The following ABCA3 variants were observed in gnomAD, a reference collection of about 807,000 sequenced individuals.
ABCA3 encodes the protein phospholipid-transporting ATPase ABCA3.
Under a neutral mutation model 172.8 loss-of-function variants are expected in ABCA3, and 88 were observed. The ratio of observed to expected loss-of-function variants is 0.51; its 90% confidence interval spans 0.43 to 0.61. The LOEUF (loss-of-function observed/expected upper bound fraction) is 0.61, where lower values mean the gene tolerates loss of function less well. Among genes scored for constraint, ABCA3 ranks in the 20% least tolerant of loss-of-function variants. The probability of loss-of-function intolerance (pLI) is 0.00; values close to 1 mark genes in which losing one functional copy is unlikely to be tolerated. For synonymous variants in ABCA3, 1,066 were observed against 983.8 expected, an observed-to-expected ratio of 1.08 and a Z score of -1.56; for missense variants, 2,164 against 2,301.0, an observed-to-expected ratio of 0.94 and a Z score of 1.22.
chr16:2,299,127 G>A (rs1177305525), intron 14 of ABCA3, among the ~76,000 whole-genome samples: 2 of 144,720 alleles, frequency 1.4e-5, no homozygotes, highest in African/African-American at 5.0e-5. Flanking sequence ...AGGCGGTGAG[G>A]AGGGCAGGGG....
At chr16:2,296,698 G>C (rs548809008) in intron 17 of ABCA3, among the ~76,000 whole-genome samples, 2 of 152,330 alleles carry the variant, frequency 1.3e-5, no homozygotes, top group African/African-American at 4.8e-5. Context: ...CAAAACCCTG[G>C]TATCTTGGCT....
Position 2,286,795 on chromosome 16 carries a change from G to A in ABCA3, c.3177C>T (p.Asn1059=), listed in dbSNP as rs1332909111. 3.7e-6 allele frequency: 6 copies of A among 1,614,176 alleles called. No homozygotes were observed. The South Asian group carries it at 5.5e-5, about 15-fold the overall frequency. The stretch of plus-strand genomic sequence containing the variant: ...GCCCGCACAGCAGCTTGAACAGAAG[G>A]TTGTCCACGACGGCCAGGGCAGTGG... The part of the protein sequence containing the change: ...SPATALAVVD[N]LLFKLLCGPH... Residue 1059 remains asparagine, a synonymous_variant, in exon 22 of 33, where the codon AAC becomes AAT. Coordinates refer to ENST00000301732, the MANE Select transcript of ABCA3 (RefSeq NM_001089.3). This position sits in a 1 kb window ranked among gnomAD's most constrained non-coding sequence, Gnocchi z 5.2.
chr16:2,301,947 G>C (rs2093690141), intron 12 of ABCA3, among the ~76,000 whole-genome samples: 1 of 152,242 alleles, frequency 6.6e-6, no homozygotes, highest in Non-Finnish European at 1.5e-5. Context: ...GGAAGGTTGT[G>C]GGCAAGGAAC....
At position 2,326,677 on chromosome 16, in the gene ABCA3, C is replaced by G. The variant is rs572374718; in HGVS notation, c.-26-185G>C. Reference sequence around the variant, plus strand: ...GCCATGCCCACCCTCAATCCTCTACCCTGCACATCCAAAGAGCATAGTCTT... The same window carrying G: ...GCCATGCCCACCCTCAATCCTCTACGCTGCACATCCAAAGAGCATAGTCTT... On this transcript the variant is annotated intron_variant, in intron 3 of 32. Coordinates refer to ENST00000301732, the MANE Select transcript of ABCA3 (RefSeq NM_001089.3). Among the ~76,000 whole-genome samples, 8 of 152,358 alleles carry G rather than the reference C, an allele frequency of 5.3e-5. No individual in the cohort carries two copies. The South Asian group carries it at 1.7e-3, about 32-fold the overall frequency.
In ABCA3 at chr16:2,297,585, C is replaced by T. The variant is rs1038159780; in HGVS notation, c.2053-46G>A. 47 of 1,606,618 alleles carry T rather than the reference C, an allele frequency of 2.9e-5. No homozygotes were observed. The highest frequency in any genetic ancestry group is 1.3e-4 in the East Asian group (6 of 44,824). On this transcript the variant is annotated intron_variant, in intron 16 of 32. Coordinates refer to ENST00000301732, the MANE Select transcript of ABCA3 (RefSeq NM_001089.3). This position sits in a 1 kb window ranked among gnomAD's most constrained non-coding sequence, Gnocchi z 5.6. The stretch of plus-strand genomic sequence containing the variant: ...TCGCGACGCTGGTAGAGCCACACCC[C>T]GGGCCCAGGCTGGCCTTGCGGTAGG...
intron 11 of ABCA3, among the ~76,000 whole-genome samples, chr16:2,305,126 ATTTG>A (rs1307382924): frequency 6.7e-6 from 1 of 149,744 alleles, no homozygotes; most frequent in Non-Finnish European, 1.5e-5. Flanking sequence ...ATAAGTCTTT[ATTTG>A]TTTATTATTT....
Position 2,276,693 on chromosome 16 carries a change from GTGGGC to G in ABCA3, c.5091_5095del (p.Pro1698ArgfsTer103). 1.9e-6 allele frequency: 3 copies of G among 1,613,576 alleles called. No individual in the cohort carries two copies. Among genetic ancestry groups the G allele is most frequent in the Non-Finnish European group, 2.5e-6 (3 of 1,180,044 alleles). ...CACCCCTCATCGCCCCTCCTCTGCG[GTGGGC>G]GGCTGCAGGTGGGCGAAGCTCAGGA... On this transcript the variant is annotated frameshift_variant, in exon 33 of 33. Coordinates refer to ENST00000301732, the MANE Select transcript of ABCA3 (RefSeq NM_001089.3). LOFTEE classifies it high-confidence loss of function.
At position 2,277,957 on chromosome 16, in the gene ABCA3, G is replaced by A. The variant is rs1482881412; in HGVS notation, c.4831C>T (p.Leu1611=). 3 of 1,612,518 alleles carry A rather than the reference G, an allele frequency of 1.9e-6. No homozygotes were observed. Among genetic ancestry groups the A allele is most frequent in the African/African-American group, 1.3e-5 (1 of 74,926 alleles). ...CCTTCACTCTGCACCTTGGCCCGCAGGGAGTAGCCGCTGCCGAACTTGCTC... is the reference window on the plus strand; with the variant it reads ...CCTTCACTCTGCACCTTGGCCCGCAAGGAGTAGCCGCTGCCGAACTTGCTC... ...LKSKFGSGYS[L]RAKVQSEGQQ... is the part of the protein sequence containing the mutation. Residue 1611 remains leucine (L), a synonymous_variant, in exon 31 of 33, where the codon CTG becomes TTG. Coordinates refer to ENST00000301732, the MANE Select transcript of ABCA3 (RefSeq NM_001089.3). The surrounding 1 kb of genome is among the most constrained non-coding windows in gnomAD (Gnocchi z 5.3).
In ABCA3 at chr16:2,281,930, G is replaced by A. The variant is rs1051678879; in HGVS notation, c.4036-421C>T. On this transcript the variant is annotated intron_variant, in intron 26 of 32. Coordinates refer to ENST00000301732, the MANE Select transcript of ABCA3 (RefSeq NM_001089.3). The surrounding 1 kb of genome is among the most constrained non-coding windows in gnomAD (Gnocchi z 4.7). Reference sequence around the variant, plus strand: ...ACTGATTCTCCTGCTTCAGCCTCCCGAGTAGCGCGCCACCACGCCCAGCTA... The same window carrying A: ...ACTGATTCTCCTGCTTCAGCCTCCCAAGTAGCGCGCCACCACGCCCAGCTA... Among the ~76,000 whole-genome samples, 4 of 151,420 alleles carry A rather than the reference G, an allele frequency of 2.6e-5. No individual in the cohort carries two copies. The highest frequency in any genetic ancestry group is 2.1e-4 in the South Asian group (1 of 4,802).
intron 18 of ABCA3, among the ~76,000 whole-genome samples, chr16:2,294,756 G>A (rs956896513): frequency 1.3e-5 from 2 of 152,090 alleles, no homozygotes; most frequent in Non-Finnish European, 2.9e-5. Context: ...GCCGAGGTGG[G>A]TGGATCACCT....
chr16:2,322,978 T>C (rs1014699000), intron 7 of ABCA3, among the ~76,000 whole-genome samples: 9 of 151,876 alleles, frequency 5.9e-5, no homozygotes. Context: ...AACAACCCCA[T>C]CAAAAAGTGG....
Position 2,284,220 on chromosome 16 carries a change from C to T in ABCA3, c.3862+59G>A. ...GCCCCTGCCCTAGGAGGCCCCTCTG[C>T]AGTGACCACGTCCTGAGGACGCAGG... On this transcript the variant is annotated intron_variant, in intron 25 of 32. Transcript: ENST00000301732. The surrounding 1 kb of genome is among the most constrained non-coding windows in gnomAD (Gnocchi z 5.9). 1.9e-6 allele frequency: 3 copies of T among 1,573,802 alleles called. No individual in the cohort carries two copies. Among genetic ancestry groups the T allele is most frequent in the Non-Finnish European group, 2.6e-6 (3 of 1,158,678 alleles).
At chr16:2,314,872 CTTTTTTTTTTTTT>C (rs35616252) in intron 10 of ABCA3, among the ~76,000 whole-genome samples, 1 of 93,472 alleles carries the variant, frequency 1.1e-5, no homozygotes, top group African/African-American at 4.3e-5. Flanking sequence ...AGTGCCTGGT[CTTTTTTTTTTTTT>C]TTTTTTTTTT....
Position 2,284,776 on chromosome 16 carries a change from C to T in ABCA3, c.3703+3G>A, listed in dbSNP as rs376457141. ...GGGCTGCGGGTGGTCTCCAGGTGCC[C>T]ACCTGGGATGCGCATGATGGTGACC... is the stretch of plus-strand genomic sequence containing the variant. On this transcript the variant is annotated splice_donor_region_variant and intron_variant, in intron 24 of 32. Coordinates refer to ENST00000301732, the MANE Select transcript of ABCA3 (RefSeq NM_001089.3). This position sits in a 1 kb window ranked among gnomAD's most constrained non-coding sequence, Gnocchi z 5.9. The T allele has an allele frequency of 5.0e-6, 8 of 1,612,984 alleles. No individual in the cohort carries two copies. The highest frequency in any genetic ancestry group is 6.8e-6 in the Non-Finnish European group (8 of 1,179,766).
intron 28 of ABCA3, among the ~76,000 whole-genome samples, chr16:2,280,812 C>T (rs2093653776): frequency 6.6e-6 from 1 of 152,212 alleles, no homozygotes; most frequent in African/African-American, 2.4e-5. Flanking sequence ...CGGATGTTGG[C>T]ACCCATCTCT....
At chr16:2,325,432 T>C (rs1433179854) in intron 5 of ABCA3, among the ~76,000 whole-genome samples, 1 of 152,184 alleles carries the variant, frequency 6.6e-6, no homozygotes, top group African/African-American at 2.4e-5. Context: ...CAATCAGGCA[T>C]GGCCACAGAG....
Position 2,277,774 on chromosome 16 carries a change from T to C in ABCA3, c.4910-104A>G. The C allele has an allele frequency of 1.3e-6, 2 of 1,593,882 alleles. No homozygotes were observed. Among genetic ancestry groups the C allele is most frequent in the South Asian group, 1.1e-5 (1 of 89,452 alleles). Reference sequence around the variant, plus strand: ...GTCCTCGTCCCAGGGATTGGGGAGATGGGACTTGGCGGGGCGAGGCACAGA... The same window carrying C: ...GTCCTCGTCCCAGGGATTGGGGAGACGGGACTTGGCGGGGCGAGGCACAGA... On this transcript the variant is annotated intron_variant, in intron 31 of 32. Coordinates refer to ENST00000301732, the MANE Select transcript of ABCA3 (RefSeq NM_001089.3). This position sits in a 1 kb window ranked among gnomAD's most constrained non-coding sequence, Gnocchi z 5.3.
In ABCA3 at chr16:2,284,983, A is replaced by C. The variant is rs1314871512; in HGVS notation, c.3499T>G (p.Phe1167Val). ...SLLLLVVFKA[F>V]DVRAFTRDGH... ...TCCCGCGTGAAGGCACGCACGTCGA[A>C]GGCCTTAAACACCACCTGCGGCGGC... Residue 1167 changes from phenylalanine (F) to valine (V), a missense_variant, in exon 24 of 33, where the codon TTC becomes GTC. Phe to Val is a conservative substitution (Grantham distance 50). Around this residue, in one of 3 missense-constraint regions of ABCA3, gnomAD observed 795 missense variants for 881.9 expected, o/e 0.90. Transcript: ENST00000301732. The surrounding 1 kb of genome is among the most constrained non-coding windows in gnomAD (Gnocchi z 5.9). 1 of 1,613,284 alleles carries C rather than the reference A, an allele frequency of 6.2e-7. No individual in the cohort carries two copies. Among genetic ancestry groups the C allele is most frequent in the African/African-American group, 1.3e-5 (1 of 74,894 alleles).
intron 14 of ABCA3, 142 bp from the exon 15 acceptor site, chr16:2,298,682 A>T: frequency 1.0e-6 from 1 of 975,172 alleles, no homozygotes; most frequent in East Asian, 2.7e-5. Context: ...CCCCACTCCC[A>T]CTGGGGTGGG....
Sources: gnomAD v4.1 joint callset for allele counts (sites outside exome capture counted in the v4.1 genomes callset) on GRCh38, gnomAD v4.1.1 for gene constraint, gnomAD v4.1.1 regional missense constraint, Gnocchi (gnomAD v3.1) non-coding constraint, MANE v1.5 for transcripts, NCBI Gene and HGNC (gene_info 2026-07-23, HGNC 2026-07-21) for gene names.